MACF1: variants seen among roughly 807,000 people sequenced by gnomAD.
MACF1 encodes microtubule-actin cross-linking factor 1.
In MACF1, 193 loss-of-function variants were observed where a neutral mutation model predicts 854.8. The observed-to-expected ratio is 0.23, with a 90% CI of 0.20 to 0.25. MACF1 has a LOEUF of 0.25. Among genes scored for constraint, MACF1 ranks in the 10% least tolerant of loss-of-function variants. MACF1 has a pLI of 1.00. For missense variants in MACF1, 7,722 were observed against 8,929.1 expected (o/e 0.86, Z 5.45); for synonymous variants, 3,185 against 3,226.7 (o/e 0.99, Z 0.44).
chr1:39,292,901 A>C, intron 17 of MACF1, 58 bp downstream of exon 17: 2 of 1,379,870 alleles, frequency 1.4e-6, no homozygotes, highest in East Asian at 2.4e-5. Context: ...CCCCCAATCA[A>C]CTCTCTTCCG....
intron 58 of MACF1, among the ~76,000 whole-genome samples, chr1:39,418,426 C>T (rs1643409241): frequency 6.6e-6 from 1 of 152,100 alleles, no homozygotes; most frequent in African/African-American, 2.4e-5. Context: ...ATGGAATTGC[C>T]TAGGAAGAAT....
chr1:39,302,630 G>A (rs376830934), intron 22 of MACF1, among the ~76,000 whole-genome samples: 4 of 152,260 alleles, frequency 2.6e-5, no homozygotes, highest in African/African-American at 4.8e-5. Context: ...TGCTGAGATC[G>A]CTCTTGAGCC....
chr1:39,249,160 T>G (rs1366446115), intron 2 of MACF1, among the ~76,000 whole-genome samples: 1 of 152,210 alleles, frequency 6.6e-6, no homozygotes, highest in African/African-American at 2.4e-5. Flanking sequence ...TTCCTTGGTT[T>G]CTTTGATGGA....
rs766431411 is a variant in MACF1 at position 39,459,106 on chromosome 1, A to C, written c.21217A>C (p.Thr7073Pro). The C allele has an allele frequency of 1.2e-6, 2 of 1,612,914 alleles. No individual in the cohort carries two copies. The highest frequency in any genetic ancestry group is 1.7e-6 in the Non-Finnish European group (2 of 1,179,690). The stretch of plus-strand genomic sequence containing the variant: ...TTTAGGGAAATCCCTAAGTCAGCCA[A>C]CCCCTCCTCCCATGCCAATCCTTTC... ...SGGRKSLSQP[T>P]PPPMPILSQS... The change falls in exon 91 of 101, where the codon ACC (threonine) becomes CCC (proline). Residue 7073 changes from threonine to proline, a missense_variant. Physicochemically the swap from Thr to Pro is conservative, Grantham distance 38 (BLOSUM62 -1). This residue lies in a region of MACF1 where 729 missense variants were observed against 900.5 expected (regional missense o/e 0.81). Transcript: ENST00000564288.
intron 86 of MACF1, 109 bp from the exon 87 acceptor site, chr1:39,452,575 G>A: frequency 7.2e-7 from 1 of 1,396,328 alleles, no homozygotes; most frequent in South Asian, 1.3e-5. Context: ...GAGTTTTGAT[G>A]AGGCCATGAA....
rs771454136 is a variant in MACF1, at chr1:39,428,212, T to G, written c.16728T>G (p.Val5576=). 1 of 1,614,176 alleles carries G rather than the reference T, an allele frequency of 6.2e-7. No individual in the cohort carries two copies. The highest frequency in any genetic ancestry group is 8.5e-7 in the Non-Finnish European group (1 of 1,180,028). The change falls in exon 63 of 101, where the codon GTT becomes GTG. Residue 5576 remains valine, a synonymous_variant. Coordinates refer to ENST00000564288, the MANE Select transcript of MACF1 (RefSeq NM_001394062.1). ...AGGTGCTCAACTGGCTGGCTGAGGT[T>G]GAGGACAAGCTCAGTTCAGTGTTCG... ...EVEVLNWLAE[V]EDKLSSVFVK...
chr1:39,371,233 G>C (rs2148537618), intron 51 of MACF1, among the ~76,000 whole-genome samples: 1 of 149,736 alleles, frequency 6.7e-6, no homozygotes, highest in South Asian at 2.1e-4. Context: ...GCAGAGAATT[G>C]CTTGAACTTG....
intron 2 of MACF1, among the ~76,000 whole-genome samples, chr1:39,128,156 C>G (rs752172375): frequency 8.5e-5 from 13 of 152,162 alleles, no homozygotes; most frequent in Non-Finnish European, 1.0e-4. Flanking sequence ...CTTCTTGACT[C>G]ATGAGCCTTA....
At chr1:39,452,080 A>T (rs1644353636) in intron 85 of MACF1, 76 bp from the exon 86 acceptor site, 2 of 1,285,626 alleles carry the variant, frequency 1.6e-6, no homozygotes, top group South Asian at 1.5e-5. Flanking sequence ...CCTACCAAGA[A>T]AATTATTATT....
chr1:39,224,696 G>T (rs777968937), intron 1 of MACF1, among the ~76,000 whole-genome samples: 3 of 152,260 alleles, frequency 2.0e-5, no homozygotes, highest in South Asian at 2.1e-4. Flanking sequence ...ACAGACTAGG[G>T]AGTATTGTTG....
intron 2 of MACF1, among the ~76,000 whole-genome samples, chr1:39,196,930 C>T (rs115236337): frequency 0.038 from 5,739 of 152,278 alleles, 163 homozygotes; most frequent in Non-Finnish European, 0.061. Context: ...GATCTAAAAT[C>T]TTAATGAAGT....
At position 39,341,462 on chromosome 1, in the gene MACF1, G is replaced by A. The variant is rs1259001445; in HGVS notation, c.10581+509G>A. Among the ~76,000 whole-genome samples, 3 of 150,958 alleles carry A rather than the reference G, an allele frequency of 2.0e-5. No individual in the cohort carries two copies. The Admixed American group carries it at 2.0e-4, about 10-fold the overall frequency. On this transcript the variant is annotated intron_variant, in intron 40 of 100. Transcript: ENST00000564288. ...TGTAATACCAGCATTTTGGGAGGCC[G>A]AGGCGGGCAGATCACCTGAGGTCAG...
At chr1:39,216,757 GC>G (rs761449088) in intron 1 of MACF1, among the ~76,000 whole-genome samples, 3 of 151,838 alleles carry the variant, frequency 2.0e-5, no homozygotes, top group Non-Finnish European at 4.4e-5. Flanking sequence ...ATCTAAAAGT[GC>G]TTGGAGATAA....
At chr1:39,295,976 A>T in intron 20 of MACF1, 94 bp downstream of exon 20, 1 of 1,060,518 alleles carries the variant, frequency 9.4e-7, no homozygotes, top group East Asian at 2.6e-5. Flanking sequence ...TTTGTTGTAT[A>T]AACCACCACC....
At chr1:39,309,917 T>C (rs558682406) in intron 24 of MACF1, among the ~76,000 whole-genome samples, 2 of 152,352 alleles carry the variant, frequency 1.3e-5, no homozygotes, top group Non-Finnish European at 2.9e-5. Context: ...TTTGGTCTTC[T>C]TGGCAAGGGT....
intron 58 of MACF1, among the ~76,000 whole-genome samples, chr1:39,400,355 G>C (rs894103975): frequency 1.3e-5 from 2 of 151,878 alleles, no homozygotes. Context: ...GGATTTTTAT[G>C]AAAATTAAAT....
chr1:39,154,795 C>G (rs1643651474), intron 2 of MACF1, among the ~76,000 whole-genome samples: 1 of 152,010 alleles, frequency 6.6e-6, no homozygotes, highest in Non-Finnish European at 1.5e-5. Context: ...GCACTGTAGT[C>G]TTGGACTTCC....
intron 2 of MACF1, among the ~76,000 whole-genome samples, chr1:39,101,565 C>T (rs1642077321): frequency 6.6e-6 from 1 of 151,592 alleles, no homozygotes; most frequent in Non-Finnish European, 1.5e-5. Context: ...TGGCTCACTC[C>T]TGTAATCCCA....
In MACF1 at chr1:39,461,649, G is replaced by A. The variant is rs537566594; in HGVS notation, c.21524-234G>A. Among the ~76,000 whole-genome samples, 6 of 152,008 alleles carry A rather than the reference G, an allele frequency of 3.9e-5. No homozygotes were observed. The East Asian group carries it at 5.8e-4, about 15-fold the overall frequency. On this transcript the variant is annotated intron_variant, in intron 92 of 100. Transcript: ENST00000564288. ...ACTAAAAATACAAAAAAAATTAGCC[G>A]GGCCTGGTGACAGGCGCTTGTATTC...
Sources: allele counts gnomAD v4.1 joint callset (sites outside exome capture counted in the v4.1 genomes callset), GRCh38; gene constraint gnomAD v4.1.1; regional missense constraint gnomAD v4.1.1; transcripts MANE v1.5; gene names NCBI Gene and HGNC (gene_info 2026-07-23, HGNC 2026-07-21).